The following CFAP44 variants were observed in gnomAD, a reference collection of about 807,000 sequenced individuals.
CFAP44 encodes the protein cilia and flagella associated protein 44.
Under a neutral mutation model 216.2 loss-of-function variants are expected in CFAP44, and 134 were observed. The ratio of observed to expected loss-of-function variants is 0.62; its 90% CI spans 0.54 to 0.72. CFAP44 has a LOEUF of 0.72. CFAP44 is among the 30% of genes least tolerant of loss of function. CFAP44 has a pLI of 0.00. For synonymous variants in CFAP44, 700 were observed against 727.6 expected (o/e 0.96, Z 0.61); for missense variants, 2,035 against 2,182.1 (o/e 0.93, Z 1.34).
At chr3:113,374,468 G>A (rs1264494631) in intron 17 of CFAP44, among the ~76,000 whole-genome samples, 1 of 152,006 alleles carries the variant, frequency 6.6e-6, no homozygotes, top group African/African-American at 2.4e-5. Flanking sequence ...TGGCAGCTGA[G>A]AGGCTAAGAA....
At chr3:113,343,537 G>A (rs1306415469) in intron 23 of CFAP44, among the ~76,000 whole-genome samples, 5 of 152,170 alleles carry the variant, frequency 3.3e-5, no homozygotes, top group African/African-American at 1.2e-4. Flanking sequence ...TGGCCTGTGT[G>A]GTCATGGGAA....
intron 32 of CFAP44, among the ~76,000 whole-genome samples, chr3:113,300,241 A>G (rs1949921998): frequency 1.3e-5 from 2 of 152,164 alleles, no homozygotes; most frequent in Non-Finnish European, 2.9e-5. Context: ...GGATGTGGGA[A>G]TGGTTAATGG....
rs1052456500 is a variant in CFAP44 at position 113,366,042 on chromosome 3, G to C, written c.2712C>G (p.Pro904=). The change falls in exon 19 of 35, where the codon CCC becomes CCG. Residue 904 remains proline, a synonymous_variant. Transcript: ENST00000393845. ...AACTGGTTAATTAATTACATACCCT[G>C]GGAGATGGAACTTTGGCCTTCATGT... The part of the protein sequence containing the change: ...RKDMKAKVPS[P]RFGIETEPIP... The C allele has an allele frequency of 3.7e-6, 6 of 1,608,520 alleles. No homozygotes were observed. The highest frequency in any genetic ancestry group is 4.3e-6 in the Non-Finnish European group (5 of 1,176,350).
chr3:113,331,842 T>A (rs1429144161), intron 25 of CFAP44, among the ~76,000 whole-genome samples: 1 of 152,008 alleles, frequency 6.6e-6, no homozygotes, highest in Non-Finnish European at 1.5e-5. Context: ...TCAATGATTT[T>A]CAATTTGACC....
At chr3:113,378,023 C>T (rs1016930930) in intron 17 of CFAP44, among the ~76,000 whole-genome samples, 2 of 152,064 alleles carry the variant, frequency 1.3e-5, no homozygotes, top group Admixed American at 6.6e-5. Flanking sequence ...ACTAAATATG[C>T]GTGGAGTTTT....
At chr3:113,439,321 G>A (rs1047633559) in intron 1 of CFAP44, among the ~76,000 whole-genome samples, 1 of 152,038 alleles carries the variant, frequency 6.6e-6, no homozygotes, top group African/African-American at 2.4e-5. Flanking sequence ...TTGTATGCTG[G>A]ATAACTATCC....
chr3:113,437,799 T>G (rs1342070242), intron 1 of CFAP44, among the ~76,000 whole-genome samples: 1 of 152,158 alleles, frequency 6.6e-6, no homozygotes, highest in Non-Finnish European at 1.5e-5. Context: ...GGGTTTTGTT[T>G]GTTTGTTTGT....
chr3:113,310,728 G>C (rs1006372134), intron 28 of CFAP44, among the ~76,000 whole-genome samples: 2 of 152,122 alleles, frequency 1.3e-5, no homozygotes, highest in Non-Finnish European at 2.9e-5. Flanking sequence ...GGAATCCCTC[G>C]AATAGTTTAG....
At chr3:113,352,859 C>T (rs1950457857) in intron 22 of CFAP44, among the ~76,000 whole-genome samples, 1 of 152,114 alleles carries the variant, frequency 6.6e-6, no homozygotes, top group African/African-American at 2.4e-5. Context: ...AAGATGAAAA[C>T]ATTGGTAATA....
At chr3:113,402,347 C>T (rs1250791997) in intron 9 of CFAP44, among the ~76,000 whole-genome samples, 1 of 152,220 alleles carries the variant, frequency 6.6e-6, no homozygotes, top group African/African-American at 2.4e-5. Flanking sequence ...ATGTTACTAT[C>T]TGACAGTGAG....
intron 8 of CFAP44, among the ~76,000 whole-genome samples, chr3:113,404,566 T>C (rs1934226559): frequency 6.6e-6 from 1 of 152,178 alleles, no homozygotes; most frequent in African/African-American, 2.4e-5. Flanking sequence ...TAAAGTAATA[T>C]TTATTGAGTA....
intron 28 of CFAP44, among the ~76,000 whole-genome samples, chr3:113,311,097 A>G (rs1356978858): frequency 2.6e-5 from 4 of 152,258 alleles, no homozygotes; most frequent in Non-Finnish European, 5.9e-5. Context: ...AAGATGACAG[A>G]GATATTAGAA....
intron 9 of CFAP44, among the ~76,000 whole-genome samples, chr3:113,402,878 A>G (rs1157287415): frequency 6.6e-6 from 1 of 152,220 alleles, no homozygotes; most frequent in Non-Finnish European, 1.5e-5. Context: ...TTGGAAAGAT[A>G]GCAAATATAT....
At chr3:113,427,611 T>C (rs1338370965) in intron 2 of CFAP44, 1 of 289,960 alleles carries the variant, frequency 3.4e-6, no homozygotes, top group East Asian at 8.7e-5. Context: ...AGAAAGAGGT[T>C]AGTATGCTGC....
intron 28 of CFAP44, among the ~76,000 whole-genome samples, chr3:113,323,317 C>T (rs2107805717): frequency 6.6e-6 from 1 of 152,290 alleles, no homozygotes; most frequent in East Asian, 1.9e-4. Flanking sequence ...TTTGCAGCAA[C>T]ATGGATGGAG....
intron 28 of CFAP44, among the ~76,000 whole-genome samples, chr3:113,317,633 C>T (rs781680660): frequency 2.0e-5 from 3 of 152,210 alleles, no homozygotes; most frequent in African/African-American, 4.8e-5. Flanking sequence ...CCAGTGTCTC[C>T]AGGGCCGTGG....
rs1182143129 is a variant in CFAP44, at chr3:113,330,408, G to T, written c.3876C>A (p.Pro1292=). ...QQMKSKDEKS[P]GVEQTGSGGP... Reference sequence around the variant, plus strand: ...CTCCAGACCCTGTCTGTTCCACTCCGGGGGACTTTTCATCTTTACTTTTCA... The same window carrying T: ...CTCCAGACCCTGTCTGTTCCACTCCTGGGGACTTTTCATCTTTACTTTTCA... The change falls in exon 26 of 35, where the codon CCC becomes CCA. Residue 1292 remains proline (P), a synonymous_variant. Coordinates refer to ENST00000393845, the MANE Select transcript of CFAP44 (RefSeq NM_001164496.2). 2.6e-6 allele frequency: 4 copies of T among 1,537,260 alleles called. No homozygotes were observed. The highest frequency in any genetic ancestry group is 2.0e-5 in the Admixed American group (1 of 50,986).
chr3:113,411,253 C>G (rs1239895783), intron 6 of CFAP44, among the ~76,000 whole-genome samples: 1 of 152,046 alleles, frequency 6.6e-6, no homozygotes, highest in South Asian at 2.1e-4. Context: ...TGCCTAGGTT[C>G]TCTTCTAGGG....
chr3:113,340,621 A>C (rs1378432178), intron 24 of CFAP44, among the ~76,000 whole-genome samples: 1 of 152,156 alleles, frequency 6.6e-6, no homozygotes, highest in Non-Finnish European at 1.5e-5. Flanking sequence ...AGGGGAGCAT[A>C]CAGGCGGGCA....
Sources: gnomAD v4.1 joint callset for allele counts (sites outside exome capture counted in the v4.1 genomes callset) on GRCh38, gnomAD v4.1.1 for gene constraint, MANE v1.5 for transcripts, NCBI Gene and HGNC (gene_info 2026-07-23, HGNC 2026-07-21) for gene names.